Variants in USH2A observed in about 807,000 individuals in gnomAD.
USH2A encodes the protein usherin.
Under a neutral mutation model 538.9 loss-of-function variants are expected in USH2A, and 443 were observed. The observed-to-expected ratio is 0.82, with a 90% confidence interval of 0.76 to 0.89. USH2A has a LOEUF of 0.89. USH2A is among the 40% of genes least tolerant of loss of function. USH2A has a pLI of 0.00. For missense variants in USH2A, 6,633 were observed against 6,324.8 expected (o/e 1.05, Z -1.65); for synonymous variants, 2,413 against 2,273.5 (o/e 1.06, Z -1.75).
intron 62 of USH2A, among the ~76,000 whole-genome samples, chr1:215,676,786 A>C (rs1007545956): frequency 2.7e-4 from 41 of 150,180 alleles, no homozygotes; most frequent in Admixed American, 4.7e-4. Context: ...GTGACCCCCC[A>C]AGCACCCCTT....
rs1015936145 is a variant in USH2A at position 215,924,793 on chromosome 1, GTC to G, written c.7300+9821_7300+9822del. On this transcript the variant is annotated intron_variant, in intron 38 of 71. Transcript: ENST00000307340. Reference sequence around the variant, plus strand: ...ATGTGATTTTATTTTATTTTTTTAAGTCTCTCTCTCTTGCCCCAGGATGCTTT... The same window carrying G: ...ATGTGATTTTATTTTATTTTTTTAAGTCTCTCTCTTGCCCCAGGATGCTTT... Among the ~76,000 whole-genome samples, 15 of 151,604 alleles carry G rather than the reference GTC, an allele frequency of 9.9e-5. 1 individual carries two copies. Among genetic ancestry groups the G allele is most frequent in the African/African-American group, 3.2e-4 (13 of 41,258 alleles).
chr1:216,362,698 T>C (rs1378150400), intron 4 of USH2A, among the ~76,000 whole-genome samples: 2 of 152,024 alleles, frequency 1.3e-5, no homozygotes, highest in African/African-American at 4.8e-5. Context: ...ATCCCAGCAC[T>C]TTGAGAGGCC....
chr1:215,900,239 A>G (rs1446985702), intron 39 of USH2A, 22 bp from the exon 40 acceptor site: 5 of 1,612,668 alleles, frequency 3.1e-6, no homozygotes, highest in African/African-American at 2.7e-5. Context: ...ATAAATGTCA[A>G]TTAGGAAGTT....
chr1:215,692,608 T>C (rs1468078508), intron 61 of USH2A, among the ~76,000 whole-genome samples: 1 of 152,140 alleles, frequency 6.6e-6, no homozygotes, highest in Non-Finnish European at 1.5e-5. Flanking sequence ...CAGTATTTTA[T>C]ACCCACAGCA....
At chr1:215,815,678 C>G (rs1301499602) in intron 48 of USH2A, among the ~76,000 whole-genome samples, 1 of 151,858 alleles carries the variant, frequency 6.6e-6, no homozygotes. Context: ...TTCTTCATCC[C>G]ATTACTTTTT....
intron 67 of USH2A, among the ~76,000 whole-genome samples, chr1:215,640,939 C>T (rs1376224372): frequency 6.6e-6 from 1 of 150,720 alleles, no homozygotes; most frequent in Non-Finnish European, 1.5e-5. Flanking sequence ...GAAAAGAAAA[C>T]CAATGGGAAC....
At chr1:216,197,303 G>T (rs1039848728) in intron 18 of USH2A, among the ~76,000 whole-genome samples, 1 of 152,120 alleles carries the variant, frequency 6.6e-6, no homozygotes, top group Non-Finnish European at 1.5e-5. Flanking sequence ...GCTCTTTACA[G>T]GGATTTTAAA....
intron 66 of USH2A, 32 bp downstream of exon 66, chr1:215,648,496 T>G (rs774239015): frequency 6.2e-7 from 1 of 1,605,980 alleles, no homozygotes; most frequent in East Asian, 2.2e-5. Flanking sequence ...CATGCCTTGT[T>G]AGTTTCTTCA....
intron 64 of USH2A, among the ~76,000 whole-genome samples, chr1:215,661,325 A>AGAG (rs1380094050): frequency 6.6e-6 from 1 of 152,062 alleles, no homozygotes; most frequent in Non-Finnish European, 1.5e-5. Flanking sequence ...AAGGGAAGAG[A>AGAG]GAGTTCAGGT....
intron 55 of USH2A, among the ~76,000 whole-genome samples, chr1:215,778,469 A>C (rs534332151): frequency 6.6e-6 from 1 of 152,248 alleles, no homozygotes; most frequent in African/African-American, 2.4e-5. Context: ...AAAATACTGG[A>C]GATTTTGTCA....
chr1:216,194,819 A>G (rs1315506606), intron 19 of USH2A, among the ~76,000 whole-genome samples: 2 of 152,112 alleles, frequency 1.3e-5, no homozygotes, highest in Non-Finnish European at 2.9e-5. Context: ...AGTAATATGG[A>G]ATGCTGCCAG....
chr1:215,786,810 C>A lies in USH2A; in HGVS notation c.10247G>T (p.Cys3416Phe). The change falls in exon 52 of 72, where the codon TGT becomes TTT. Residue 3416 changes from cysteine to phenylalanine, a missense_variant. By Grantham distance (205) the Cys-to-Phe change is radical. Transcript: ENST00000307340. ...SMEATEHCGR[C>F]DFNFTSHICT... ...AATGTGGCTGGTAAAGTTGAAGTCACACCTGCCACAATGTTCTGTGGCTTC... is the reference window on the plus strand; with the variant it reads ...AATGTGGCTGGTAAAGTTGAAGTCAAACCTGCCACAATGTTCTGTGGCTTC... 6.2e-7 allele frequency: 1 copy of A among 1,613,724 alleles called. No homozygotes were observed.
chr1:216,361,764 T>A (rs958567482), intron 4 of USH2A, among the ~76,000 whole-genome samples: 2 of 152,194 alleles, frequency 1.3e-5, no homozygotes, highest in Non-Finnish European at 2.9e-5. Flanking sequence ...ATGTTGCTTG[T>A]TGGGACACCC....
chr1:216,411,224 C>A (rs1335756366), intron 3 of USH2A, among the ~76,000 whole-genome samples: 1 of 152,086 alleles, frequency 6.6e-6, no homozygotes, highest in East Asian at 1.9e-4. Flanking sequence ...TAACATATTT[C>A]TTTTTATACA....
chr1:216,027,160 A>G (rs1208762767), intron 32 of USH2A, among the ~76,000 whole-genome samples: 1 of 152,128 alleles, frequency 6.6e-6, no homozygotes, highest in African/African-American at 2.4e-5. Context: ...GTGGTCTTTA[A>G]AGAGGTAATT....
At chr1:216,032,621 G>T (rs1057200908) in intron 32 of USH2A, among the ~76,000 whole-genome samples, 1 of 152,102 alleles carries the variant, frequency 6.6e-6, no homozygotes, top group African/African-American at 2.4e-5. Context: ...AATCCTGGTG[G>T]GTGCAAACTA....
intron 3 of USH2A, among the ~76,000 whole-genome samples, chr1:216,415,017 T>TTTCTCTA (rs1243791816): frequency 6.6e-6 from 1 of 152,116 alleles, no homozygotes; most frequent in Non-Finnish European, 1.5e-5. Context: ...ACAATCTACA[T>TTTCTCTA]TTCTCTATAT....
chr1:215,693,502 G>A (rs901677736), intron 61 of USH2A, among the ~76,000 whole-genome samples: 7 of 152,180 alleles, frequency 4.6e-5, no homozygotes, highest in African/African-American at 1.7e-4. Flanking sequence ...TCTGTGCTAT[G>A]TGGAGGTAAA....
At chr1:216,153,300 A>G (rs970312190) in intron 21 of USH2A, among the ~76,000 whole-genome samples, 4 of 152,174 alleles carry the variant, frequency 2.6e-5, no homozygotes, top group African/African-American at 9.7e-5. Flanking sequence ...TTTGGGAGTC[A>G]CAAGCACCCA....
Sources: allele counts gnomAD v4.1 joint callset (sites outside exome capture counted in the v4.1 genomes callset), GRCh38; gene constraint gnomAD v4.1.1; transcripts MANE v1.5; gene names NCBI Gene and HGNC (gene_info 2026-07-23, HGNC 2026-07-21).